The following EDC3 variants were observed in gnomAD, a reference collection of about 807,000 sequenced individuals.
EDC3 encodes enhancer of mRNA decapping 3, also known as enhancer of mRNA-decapping protein 3.
A neutral mutation model predicts 41.8 loss-of-function variants in EDC3; 20 were observed. The observed-to-expected ratio is 0.48, with a 90% CI of 0.34 to 0.70. The LOEUF (loss-of-function observed/expected upper bound fraction) is 0.70, where lower values mean the gene tolerates loss of function less well. Ranked by LOEUF, EDC3 falls within the 30% of genes least tolerant of loss-of-function variation. EDC3 has a pLI of 0.01. For missense variants in EDC3, 444 were observed against 636.8 expected, an observed-to-expected ratio of 0.70 and a Z score of 3.26; for synonymous variants, 206 against 243.2, an observed-to-expected ratio of 0.85 and a Z score of 1.42.
chr15:74,656,406 A>AACACACAC (rs143925363), intron 3 of EDC3, among the ~76,000 whole-genome samples: 6,452 of 145,836 alleles, frequency 0.044, 224 homozygotes, highest in African/African-American at 0.098. Flanking sequence ...TCTGTCTCAA[A>AACACACAC]ACACACACAC....
intron 3 of EDC3, among the ~76,000 whole-genome samples, chr15:74,669,875 A>G (rs973045325): frequency 1.3e-5 from 2 of 152,064 alleles, no homozygotes; most frequent in African/African-American, 2.4e-5. Context: ...AGACAGTCTC[A>G]CACTGTCACC....
intron 1 of EDC3, among the ~76,000 whole-genome samples, chr15:74,682,634 A>C (rs1204655163): frequency 6.6e-6 from 1 of 151,436 alleles, no homozygotes; most frequent in Non-Finnish European, 1.5e-5. Context: ...AAAAAAAAAA[A>C]AAACCAAAAA....
rs746525775 is a variant in EDC3 at position 74,640,473 on chromosome 15, G to A, written c.967C>T (p.Pro323Ser). ...CAGTTTATAGACATTTACCTGTTAG[G>A]TCCTCCGAGGAGGGTCAGTGCCATC... ...SQMALTLLGGPNRLNPKNVHQ... is the reference protein window; with the variant it reads ...SQMALTLLGGSNRLNPKNVHQ... The change falls in exon 5 of 7, where the codon CCT (proline) becomes TCT (serine). Residue 323 changes from proline (P) to serine (S), a missense_variant. Coordinates refer to ENST00000315127, the MANE Select transcript of EDC3 (RefSeq NM_025083.5). 1.2e-6 allele frequency: 2 copies of A among 1,613,766 alleles called. No homozygotes were observed. Among genetic ancestry groups the A allele is most frequent in the Admixed American group, 1.7e-5 (1 of 59,932 alleles).
At chr15:74,640,357 G>C in intron 5 of EDC3, 109 bp downstream of exon 5, 1 of 1,275,762 alleles carries the variant, frequency 7.8e-7, no homozygotes, top group Non-Finnish European at 1.1e-6. Context: ...CATCAGATGA[G>C]CAGAAACTGC....
intron 1 of EDC3, among the ~76,000 whole-genome samples, chr15:74,678,371 T>G (rs1317769115): frequency 6.6e-6 from 1 of 152,066 alleles, no homozygotes; most frequent in African/African-American, 2.4e-5. Flanking sequence ...TTCGGCTCAA[T>G]TTTTCCCTGA....
At chr15:74,657,917 A>T (rs145434907) in intron 3 of EDC3, among the ~76,000 whole-genome samples, 3 of 152,320 alleles carry the variant, frequency 2.0e-5, no homozygotes, top group Non-Finnish European at 4.4e-5. Flanking sequence ...AACACCAAAT[A>T]ATGACAGGGT....
At chr15:74,673,771 T>TG (rs1281078359) in intron 2 of EDC3, among the ~76,000 whole-genome samples, 9 of 146,326 alleles carry the variant, frequency 6.2e-5, no homozygotes, top group Non-Finnish European at 1.2e-4. Flanking sequence ...ACCCGGGAGA[T>TG]GGAGTTTGCA....
rs1007558701 is a variant in EDC3 at position 74,671,594 on chromosome 15, C to G, written c.345G>C (p.Gln115His). Residue 115 changes from glutamine (Q) to histidine (H), a missense_variant, in exon 3 of 7, where the codon CAG becomes CAC. Around this residue, in one of 3 missense-constraint regions of EDC3, gnomAD observed 200 missense variants for 244.0 expected, o/e 0.82. Coordinates refer to ENST00000315127, the MANE Select transcript of EDC3 (RefSeq NM_025083.5). The surrounding 1 kb of genome is among the most constrained non-coding windows in gnomAD (Gnocchi z 4.6). ...TCACATCTGTCCTCTTAGGGATATT[C>G]TGAGGGGCACTGCTGGAAGAGGCTG... Reference protein sequence around the residue: ...KKPASSSSAPQNIPKRTDVKS... With the variant: ...KKPASSSSAPHNIPKRTDVKS... The G allele has an allele frequency of 6.2e-7, 1 of 1,614,180 alleles. No individual in the cohort carries two copies. The highest frequency in any genetic ancestry group is 8.5e-7 in the Non-Finnish European group (1 of 1,180,040).
intron 3 of EDC3, among the ~76,000 whole-genome samples, chr15:74,664,742 T>A (rs757824152): frequency 3.6e-4 from 55 of 152,226 alleles, no homozygotes; most frequent in Non-Finnish European, 6.9e-4. Flanking sequence ...TCCAAGGAAG[T>A]TTAAAAGTCA....
In EDC3 at chr15:74,632,868, C is replaced by T; in HGVS notation, c.1271G>A (p.Trp424Ter). Residue 424 changes from tryptophan to a stop codon, truncating the protein, a stop_gained, in exon 7 of 7, where the codon TGG becomes TAG. Transcript: ENST00000315127. LOFTEE classifies it high-confidence loss of function. The surrounding 1 kb of genome is among the most constrained non-coding windows in gnomAD (Gnocchi z 4.0). The stretch of plus-strand genomic sequence containing the variant: ...GGCCCAGGCCACAGCTGCCTTGTAC[C>T]AGGGTTGATCGCGCAGGAAGACGTT... ...PENVFLRDQPWYKAAVAWANQ... is the reference protein window; with the variant it reads ...PENVFLRDQP 6.2e-7 allele frequency: 1 copy of T among 1,614,250 alleles called. No homozygotes were observed. The highest frequency in any genetic ancestry group is 8.5e-7 in the Non-Finnish European group (1 of 1,180,042).
chr15:74,649,353 G>C (rs1453542788), intron 4 of EDC3, among the ~76,000 whole-genome samples: 1 of 151,758 alleles, frequency 6.6e-6, no homozygotes, highest in Non-Finnish European at 1.5e-5. Context: ...AGGCTCAAGC[G>C]AGCCAGCCTC....
At chr15:74,691,308 T>C (rs1398990960) in intron 1 of EDC3, among the ~76,000 whole-genome samples, 1 of 152,116 alleles carries the variant, frequency 6.6e-6, no homozygotes, top group African/African-American at 2.4e-5. Context: ...AACCACTATA[T>C]GAATTATTTT....
chr15:74,667,435 G>C (rs542990964), intron 3 of EDC3, among the ~76,000 whole-genome samples: 10 of 145,700 alleles, frequency 6.9e-5, no homozygotes, highest in African/African-American at 2.5e-4. Flanking sequence ...AAAGGAGAAG[G>C]GGGGAGGAGG....
chr15:74,673,340 G>A (rs2062762075), intron 2 of EDC3, among the ~76,000 whole-genome samples: 1 of 152,084 alleles, frequency 6.6e-6, no homozygotes, highest in African/African-American at 2.4e-5. Flanking sequence ...AGAAAGAAGA[G>A]TTTATTATGA....
At position 74,635,513 on chromosome 15, in the gene EDC3, T is replaced by G. The variant is rs1270712800; in HGVS notation, c.1088A>C (p.Gln363Pro). 1 of 1,614,290 alleles carries G rather than the reference T, an allele frequency of 6.2e-7. No individual in the cohort carries two copies. The highest frequency in any genetic ancestry group is 1.1e-5 in the South Asian group (1 of 91,088). ...AAAATTGGGCAGGAAAAGGATGACC[T>G]GGACATCATGGTTGGCTAGGTGCCT... ...CGRHLANHDV[Q>P]VILFLPNFVK... The change falls in exon 6 of 7, where the codon CAG (glutamine) becomes CCG (proline). Residue 363 changes from glutamine (Q) to proline (P), a missense_variant. Physicochemically the swap from Gln to Pro is moderately conservative, Grantham distance 76 (BLOSUM62 -1). Coordinates refer to ENST00000315127, the MANE Select transcript of EDC3 (RefSeq NM_025083.5).
rs2062590331 is a variant in EDC3 at position 74,659,148 on chromosome 15, G to C, written c.485-3080C>G. ...TGCTAGGATGATAAAATACAACCAA[G>C]ACATGCTGCTCAACAAGGAGAGAGA... On this transcript the variant is annotated intron_variant, in intron 3 of 6. Transcript: ENST00000315127. Among the ~76,000 whole-genome samples, 3 of 152,046 alleles carry C rather than the reference G, an allele frequency of 2.0e-5. No homozygotes were observed. The South Asian group carries it at 6.2e-4, about 32-fold the overall frequency.
At chr15:74,634,665 C>A (rs186244750) in intron 6 of EDC3, among the ~76,000 whole-genome samples, 4 of 152,250 alleles carry the variant, frequency 2.6e-5, no homozygotes, top group Admixed American at 2.6e-4. Context: ...TCCCACCCCC[C>A]ATACATCCAG....
chr15:74,680,740 G>A lies in EDC3; in HGVS notation c.-18-5598C>T, dbSNP rs528167310. ...ATAACTGTCTATGTAGAAATTCCCC[G>A]TAATCTACAAAAAGTCTTAGAACAA... On this transcript the variant is annotated intron_variant, in intron 1 of 6. Coordinates refer to ENST00000315127, the MANE Select transcript of EDC3 (RefSeq NM_025083.5). Among the ~76,000 whole-genome samples the A allele has an allele frequency of 9.7e-4, 147 of 152,170 alleles. 4 individuals carry two copies. In the South Asian group the frequency reaches 0.03, roughly 31 times the overall value.
At chr15:74,668,502 T>C (rs1035457017) in intron 3 of EDC3, among the ~76,000 whole-genome samples, 4 of 152,166 alleles carry the variant, frequency 2.6e-5, no homozygotes, top group African/African-American at 9.7e-5. Flanking sequence ...CAACAATTTC[T>C]GCTAAAAGAA....
Sources: gnomAD v4.1 joint callset for allele counts (sites outside exome capture counted in the v4.1 genomes callset) on GRCh38, gnomAD v4.1.1 for gene constraint, gnomAD v4.1.1 regional missense constraint, Gnocchi (gnomAD v3.1) non-coding constraint, MANE v1.5 for transcripts, NCBI Gene and HGNC (gene_info 2026-07-23, HGNC 2026-07-21) for gene names.